TFG: variants seen among roughly 807,000 people sequenced by gnomAD.
The protein encoded by TFG is protein TFG.
TFG carries 22 observed loss-of-function variants against 51.4 expected under a neutral mutation model. The ratio of observed to expected loss-of-function variants is 0.43; its 90% CI spans 0.31 to 0.61. TFG has a LOEUF of 0.61. TFG is among the 20% of genes least tolerant of loss of function. TFG has a pLI of 0.12. For missense variants in TFG, 419 were observed against 487.7 expected, an observed-to-expected ratio of 0.86 and a Z score of 1.33; for synonymous variants, 187 against 165.6, an observed-to-expected ratio of 1.13 and a Z score of -0.99.
At chr3:100,722,188 T>C (rs1042457863) in intron 3 of TFG, among the ~76,000 whole-genome samples, 1 of 152,108 alleles carries the variant, frequency 6.6e-6, no homozygotes, top group African/African-American at 2.4e-5. Flanking sequence ...AAGAGCAAGA[T>C]GCTATTGTAT....
intron 2 of TFG, among the ~76,000 whole-genome samples, chr3:100,716,751 T>C (rs2095047623): frequency 6.6e-6 from 1 of 152,198 alleles, no homozygotes; most frequent in Non-Finnish European, 1.5e-5. Context: ...AACCTTGTTG[T>C]GGTCTTCATT....
At chr3:100,734,718 G>A (rs1431793747) in intron 5 of TFG, among the ~76,000 whole-genome samples, 1 of 152,092 alleles carries the variant, frequency 6.6e-6, no homozygotes, top group Non-Finnish European at 1.5e-5. Flanking sequence ...GTATTTCTTA[G>A]AGACTTTCAT....
intron 1 of TFG, among the ~76,000 whole-genome samples, chr3:100,712,239 A>G (rs1164977322): frequency 1.3e-5 from 2 of 152,342 alleles, no homozygotes; most frequent in Non-Finnish European, 2.9e-5. Context: ...GGGCATTAAT[A>G]TATAATATTC....
chr3:100,746,232 G>A (rs1000065596), intron 7 of TFG, among the ~76,000 whole-genome samples: 7 of 152,080 alleles, frequency 4.6e-5, no homozygotes, highest in Admixed American at 2.6e-4. Context: ...TCGGGATTTC[G>A]GTCCTCACTA....
intron 6 of TFG, among the ~76,000 whole-genome samples, chr3:100,738,786 A>G (rs940297609): frequency 1.8e-4 from 27 of 152,232 alleles, no homozygotes; most frequent in African/African-American, 6.3e-4. Flanking sequence ...AGTGCTGTCC[A>G]AAAGAATTAC....
At position 100,728,899 on chromosome 3, in the gene TFG, C is replaced by T. The variant is rs537160734; in HGVS notation, c.415+41C>T. 267 of 1,501,992 alleles carry T rather than the reference C, an allele frequency of 1.8e-4. No homozygotes were observed. The South Asian group carries it at 2.1e-3, about 12-fold the overall frequency. The allele number at this position is 1,501,992 out of a possible 1,614,324, so 93.0% of individuals were successfully genotyped here. ...ATTGTATTCTGACTTATTGTTCTTACGTCTTTTTGGAGGTTTTAAAAAACT... is the reference window on the plus strand; with the variant it reads ...ATTGTATTCTGACTTATTGTTCTTATGTCTTTTTGGAGGTTTTAAAAAACT... On this transcript the variant is annotated intron_variant, in intron 4 of 7. Transcript: ENST00000240851.
chr3:100,733,936 GA>G (rs2095098762), intron 5 of TFG, among the ~76,000 whole-genome samples: 1 of 152,160 alleles, frequency 6.6e-6, no homozygotes, highest in Admixed American at 6.5e-5. Flanking sequence ...AAAAAATGAG[GA>G]GAATATATAA....
chr3:100,723,265 T>G (rs1275967959), intron 3 of TFG, among the ~76,000 whole-genome samples: 1 of 152,044 alleles, frequency 6.6e-6, no homozygotes, highest in Non-Finnish European at 1.5e-5. Flanking sequence ...TATGCAGAAG[T>G]ATGCATGGTG....
chr3:100,710,448 C>T (rs1190899314), intron 1 of TFG, among the ~76,000 whole-genome samples: 1 of 152,236 alleles, frequency 6.6e-6, no homozygotes, highest in African/African-American at 2.4e-5. Flanking sequence ...TCTTGCTGCA[C>T]TGCCTTTGAG....
intron 6 of TFG, among the ~76,000 whole-genome samples, chr3:100,738,861 T>C (rs1055180095): frequency 2.0e-5 from 3 of 152,150 alleles, no homozygotes. Context: ...AAAGGTAAAA[T>C]TAATTTTATT....
At chr3:100,730,935 A>G (rs72930730) in intron 4 of TFG, among the ~76,000 whole-genome samples, 4,536 of 152,282 alleles carry the variant, frequency 0.03, 186 homozygotes, top group African/African-American at 0.092. Flanking sequence ...TAGAGGAAGG[A>G]AGTTGGTAGG....
intron 1 of TFG, 35 bp from the exon 2 acceptor site, chr3:100,713,608 T>G (rs2095037017): frequency 4.6e-6 from 5 of 1,076,376 alleles, no homozygotes; most frequent in Non-Finnish European, 6.4e-6. Context: ...TTACGGTATG[T>G]TTTGTTGTTT....
intron 6 of TFG, among the ~76,000 whole-genome samples, chr3:100,738,722 A>G (rs1315996494): frequency 2.0e-5 from 3 of 152,206 alleles, no homozygotes; most frequent in Admixed American, 2.0e-4. Context: ...TGAAAATTGT[A>G]CAATTAATAT....
chr3:100,718,946 A>G (rs1249020757), intron 2 of TFG, among the ~76,000 whole-genome samples: 1 of 152,162 alleles, frequency 6.6e-6, no homozygotes, highest in African/African-American at 2.4e-5. Context: ...GCCATCAGAG[A>G]TACTCTGTTT....
chr3:100,725,026 C>T (rs2095071130), intron 3 of TFG, among the ~76,000 whole-genome samples: 1 of 152,188 alleles, frequency 6.6e-6, no homozygotes, highest in Non-Finnish European at 1.5e-5. Flanking sequence ...ATCTCAGCTT[C>T]CCGAGTAGCT....
intron 5 of TFG, among the ~76,000 whole-genome samples, chr3:100,732,968 T>TTTTC (rs2095096072): frequency 9.2e-5 from 14 of 152,222 alleles, no homozygotes; most frequent in Admixed American, 9.2e-4. Flanking sequence ...AAGTAAAATT[T>TTTTC]AGAAAGTTTT....
At chr3:100,723,771 TAAATC>T (rs1390924727) in intron 3 of TFG, among the ~76,000 whole-genome samples, 1 of 151,352 alleles carries the variant, frequency 6.6e-6, no homozygotes, top group African/African-American at 2.4e-5. Flanking sequence ...GGAGAGCCGA[TAAATC>T]AAGCAGGCTC....
intron 5 of TFG, among the ~76,000 whole-genome samples, chr3:100,735,072 A>G (rs2095102847): frequency 2.0e-5 from 3 of 152,182 alleles, no homozygotes; most frequent in Admixed American, 2.0e-4. Context: ...TAATAAATAT[A>G]TATATTTAGG....
chr3:100,741,363 G>A (rs779373748), intron 6 of TFG, among the ~76,000 whole-genome samples: 12 of 152,084 alleles, frequency 7.9e-5, no homozygotes, highest in South Asian at 2.1e-4. Flanking sequence ...AGGCTAATGT[G>A]TATGTTTGTG....
Sources: gnomAD v4.1 joint callset for allele counts (sites outside exome capture counted in the v4.1 genomes callset) on GRCh38, gnomAD v4.1.1 for gene constraint, MANE v1.5 for transcripts, NCBI Gene and HGNC (gene_info 2026-07-23, HGNC 2026-07-21) for gene names.